Variants in ATP11A observed in about 807,000 individuals in gnomAD.
The protein encoded by ATP11A is phospholipid-transporting ATPase IH.
Under a neutral mutation model 154.4 loss-of-function variants are expected in ATP11A, and 81 were observed. The observed-to-expected ratio is 0.52, with a 90% CI of 0.44 to 0.63. ATP11A has a LOEUF of 0.63. ATP11A is among the 30% of genes least tolerant of loss of function. ATP11A has a pLI of 0.00. For missense variants in ATP11A, 1,316 were observed against 1,474.3 expected (o/e 0.89, Z 1.76); for synonymous variants, 623 against 585.9 (o/e 1.06, Z -0.91).
intron 1 of ATP11A, among the ~76,000 whole-genome samples, chr13:112,699,485 C>G (rs1186217786): frequency 6.6e-6 from 1 of 152,208 alleles, no homozygotes; most frequent in Non-Finnish European, 1.5e-5. Context: ...TTTCCCCCGG[C>G]TGTGGCTGCA....
At position 112,791,944 on chromosome 13, in the gene ATP11A, A is replaced by C. The variant is rs567911098; in HGVS notation, c.162+6687A>C. Among the ~76,000 whole-genome samples, 14 of 152,316 alleles carry C rather than the reference A, an allele frequency of 9.2e-5. No individual in the cohort carries two copies. In the South Asian group the frequency reaches 2.9e-3, roughly 32 times the overall value. On this transcript the variant is annotated intron_variant, in intron 2 of 29. Coordinates refer to ENST00000375645, the MANE Select transcript of ATP11A (RefSeq NM_015205.3). ...CACAGACCGGGGTCAACAGGCTCTCAGGAGCGCCGTCTGCGTGCAGGTGGA... is the reference window on the plus strand; with the variant it reads ...CACAGACCGGGGTCAACAGGCTCTCCGGAGCGCCGTCTGCGTGCAGGTGGA...
intron 1 of ATP11A, among the ~76,000 whole-genome samples, chr13:112,774,480 T>C (rs2077298424): frequency 6.6e-6 from 1 of 152,220 alleles, no homozygotes; most frequent in Non-Finnish European, 1.5e-5. Context: ...TTCCAGCAAC[T>C]ATTTTAATCA....
At chr13:112,762,934 C>G (rs982154757) in intron 1 of ATP11A, among the ~76,000 whole-genome samples, 2 of 152,218 alleles carry the variant, frequency 1.3e-5, no homozygotes, top group Non-Finnish European at 2.9e-5. Context: ...AGTGACCCAT[C>G]CTTTTCTGGT....
chr13:112,709,061 A>G (rs370890921), intron 1 of ATP11A, among the ~76,000 whole-genome samples: 3 of 152,028 alleles, frequency 2.0e-5, no homozygotes, highest in South Asian at 2.1e-4. Flanking sequence ...GGGAGGGGGA[A>G]TTGGGTGTCC....
chr13:112,802,207 G>A (rs570650961), intron 2 of ATP11A, among the ~76,000 whole-genome samples: 21 of 152,194 alleles, frequency 1.4e-4, no homozygotes, highest in South Asian at 4.2e-4. Context: ...TTAGCCGGGC[G>A]TGGTGGTGGG....
At chr13:112,747,352 GC>G (rs1336192341) in intron 1 of ATP11A, 3 of 152,234 alleles carry the variant, frequency 2.0e-5, no homozygotes, top group Non-Finnish European at 4.4e-5. Flanking sequence ...CTCAGCTGCC[GC>G]CACTGCAGCC....
chr13:112,827,982 A>G (rs188918460), intron 12 of ATP11A, among the ~76,000 whole-genome samples: 25 of 152,404 alleles, frequency 1.6e-4, no homozygotes, highest in Admixed American at 9.8e-4. Flanking sequence ...GGAATATTCT[A>G]TCTCCTTTGC....
At chr13:112,736,983 A>G (rs941307729) in intron 1 of ATP11A, among the ~76,000 whole-genome samples, 1 of 152,186 alleles carries the variant, frequency 6.6e-6, no homozygotes, top group Non-Finnish European at 1.5e-5. Flanking sequence ...AAACCATTTC[A>G]GAAAACTGTT....
rs76690238 is a variant in ATP11A, at chr13:112,795,492, G to T, written c.163-9465G>T. Among the ~76,000 whole-genome samples, 90 of 152,282 alleles carry T rather than the reference G, an allele frequency of 5.9e-4. No homozygotes were observed. In the East Asian group the frequency reaches 0.017, roughly 29 times the overall value. ...AGCCTGTTGCATCTGCACCTTCACT[G>T]TAGTTCCAAGGGTCCTTTGGAAGGA... On this transcript the variant is annotated intron_variant, in intron 2 of 29. Transcript: ENST00000375645.
intron 9 of ATP11A, 46 bp from the exon 10 acceptor site, chr13:112,824,298 G>A (rs751351709): frequency 3.4e-5 from 50 of 1,475,626 alleles, no homozygotes; most frequent in Non-Finnish European, 4.5e-5. Flanking sequence ...CATAAGGCAA[G>A]ACACACTTGC....
chr13:112,814,902 T>G (rs2078600315), intron 5 of ATP11A, among the ~76,000 whole-genome samples: 1 of 152,198 alleles, frequency 6.6e-6, no homozygotes, highest in African/African-American at 2.4e-5. Flanking sequence ...CTTGCTGGGA[T>G]TTTGATAGGG....
At chr13:112,702,415 C>T (rs1180169620) in intron 1 of ATP11A, among the ~76,000 whole-genome samples, 3 of 152,124 alleles carry the variant, frequency 2.0e-5, no homozygotes, top group Non-Finnish European at 2.9e-5. Flanking sequence ...CCCCCCGCCC[C>T]GCCCCCCGCG....
At chr13:112,779,152 G>A (rs2077431153) in intron 1 of ATP11A, among the ~76,000 whole-genome samples, 1 of 134,856 alleles carries the variant, frequency 7.4e-6, no homozygotes, top group Admixed American at 7.3e-5. Context: ...AGCCGCTGGA[G>A]TGAGGAGTAG....
At chr13:112,818,808 T>C (rs902502760) in intron 6 of ATP11A, among the ~76,000 whole-genome samples, 3 of 152,224 alleles carry the variant, frequency 2.0e-5, no homozygotes, top group African/African-American at 7.2e-5. Flanking sequence ...AAAACTCACG[T>C]TGAGACAGGC....
At chr13:112,828,396 G>T in intron 12 of ATP11A, among the ~76,000 whole-genome samples, 1 of 143,140 alleles carries the variant, frequency 7.0e-6, no homozygotes. Flanking sequence ...GTGGTGTTGA[G>T]TAGGGGGGAA....
intron 1 of ATP11A, among the ~76,000 whole-genome samples, chr13:112,772,014 A>C (rs1382565538): frequency 6.6e-6 from 1 of 152,276 alleles, no homozygotes; most frequent in East Asian, 1.9e-4. Flanking sequence ...ATCACAAGTG[A>C]CTGCGAGGCG....
chr13:112,882,137 C>T lies in ATP11A; in HGVS notation c.*271C>T, dbSNP rs2080902133. 1.5e-6 allele frequency: 2 copies of T among 1,323,604 alleles called. No homozygotes were observed. Among genetic ancestry groups the T allele is most frequent in the Non-Finnish European group, 1.0e-6 (1 of 1,001,458 alleles). The allele number at this position is 1,323,604 out of a possible 1,614,324, so 82.0% of individuals were successfully genotyped here. ...CCCCAGCAGGCAAGGAGGGGGGTCACAGGCCTTGCCCTCGAGCATGGCACC... is the reference window on the plus strand; with the variant it reads ...CCCCAGCAGGCAAGGAGGGGGGTCATAGGCCTTGCCCTCGAGCATGGCACC... On this transcript the variant is annotated 3_prime_UTR_variant, in exon 30 of 30. Transcript: ENST00000375645. This position sits in a 1 kb window ranked among gnomAD's most constrained non-coding sequence, Gnocchi z 5.1.
rs1216115374 is a variant in ATP11A at position 112,883,048 on chromosome 13, C to T, written c.*1182C>T. ...GTCCCCTCATCCCGTCACCTCGTCC[C>T]CACATCCCCTTGCCCCGTCACCTCG... On this transcript the variant is annotated 3_prime_UTR_variant, in exon 30 of 30. Coordinates refer to ENST00000375645, the MANE Select transcript of ATP11A (RefSeq NM_015205.3). 5 of 397,730 alleles carry T rather than the reference C, an allele frequency of 1.3e-5. No homozygotes were observed. In the Admixed American group the frequency reaches 1.8e-4, roughly 14 times the overall value. 24.6% of individuals were successfully genotyped at this position (397,730 alleles called of 1,614,324 possible). A position where few individuals can be genotyped will look rare whatever the true frequency, so the allele number is the denominator to read the frequency against.
intron 2 of ATP11A, among the ~76,000 whole-genome samples, chr13:112,791,294 T>C (rs912882899): frequency 1.3e-5 from 2 of 152,236 alleles, no homozygotes; most frequent in African/African-American, 4.8e-5. Flanking sequence ...CGGCGCCCCC[T>C]GCACAGTGTG....
Sources: allele counts gnomAD v4.1 joint callset (sites outside exome capture counted in the v4.1 genomes callset), GRCh38; gene constraint gnomAD v4.1.1; non-coding constraint Gnocchi (gnomAD v3.1); transcripts MANE v1.5; gene names NCBI Gene and HGNC (gene_info 2026-07-23, HGNC 2026-07-21).